CLASP1: variants seen among roughly 807,000 people sequenced by gnomAD.
The protein encoded by CLASP1 is CLIP-associating protein 1.
CLASP1 carries 38 observed loss-of-function variants against 192.3 expected under a neutral mutation model. The observed-to-expected ratio is 0.20, with a 90% confidence interval of 0.15 to 0.26. The LOEUF (loss-of-function observed/expected upper bound fraction) is 0.26, where lower values mean the gene tolerates loss of function less well. Ranked by LOEUF, CLASP1 falls within the 10% of genes least tolerant of loss-of-function variation. The pLI, the probability that CLASP1 is intolerant of heterozygous loss-of-function variation, is 1.00. For synonymous variants in CLASP1, 691 were observed against 712.8 expected (o/e 0.97, Z 0.49); for missense variants, 1,433 against 1,932.5 (o/e 0.74, Z 4.85).
chr2:121,451,911 A>G, intron 14 of CLASP1, 62 bp from the exon 15 acceptor site: 1 of 1,198,568 alleles, frequency 8.3e-7, no homozygotes, highest in Non-Finnish European at 1.2e-6. Context: ...TGAAAACGGC[A>G]TTTTTCTTAA....
intron 2 of CLASP1, among the ~76,000 whole-genome samples, chr2:121,593,238 C>T (rs1166036975): frequency 1.3e-5 from 2 of 151,790 alleles, no homozygotes; most frequent in African/African-American, 2.4e-5. Context: ...GTCAAATTGA[C>T]GAACTACACA....
At chr2:121,459,937 G>A (rs1206400227) in intron 12 of CLASP1, 43 bp downstream of exon 12, 1 of 1,548,970 alleles carries the variant, frequency 6.5e-7, no homozygotes, top group Non-Finnish European at 8.7e-7. Context: ...GCTCTGTGGT[G>A]ACACTATTTT....
At chr2:121,469,116 A>G (rs2090197982) in intron 9 of CLASP1, among the ~76,000 whole-genome samples, 1 of 152,018 alleles carries the variant, frequency 6.6e-6, no homozygotes, top group South Asian at 2.1e-4. Context: ...CTTTCTACAG[A>G]TTGTCTTTGA....
chr2:121,342,924 A>T (rs897514075), intron 39 of CLASP1, among the ~76,000 whole-genome samples: 2 of 152,062 alleles, frequency 1.3e-5, no homozygotes, highest in East Asian at 1.9e-4. Context: ...GTGACCAAAA[A>T]TTAATTAATT....
exon 40 of CLASP1, chr2:121,339,098 A>G (rs1338649437): frequency 6.6e-6 from 1 of 152,000 alleles, no homozygotes; most frequent in East Asian, 1.9e-4. Flanking sequence ...GGTACCACAC[A>G]TGTGTAGGGT....
intron 35 of CLASP1, 25 bp downstream of exon 36, chr2:121,367,563 G>A: frequency 6.2e-7 from 1 of 1,613,636 alleles, no homozygotes; most frequent in Non-Finnish European, 8.5e-7. Context: ...TCTGGGTGGG[G>A]ACAGTTAAGA....
intron 30 of CLASP1, among the ~76,000 whole-genome samples, chr2:121,388,479 A>G (rs1479824190): frequency 1.3e-5 from 2 of 152,228 alleles, no homozygotes; most frequent in African/African-American, 4.8e-5. Flanking sequence ...CGTTAAAAAC[A>G]TGCTCTTCTG....
chr2:121,593,162 T>C (rs1252141089), intron 2 of CLASP1, among the ~76,000 whole-genome samples: 1 of 152,224 alleles, frequency 6.6e-6, no homozygotes, highest in African/African-American at 2.4e-5. Flanking sequence ...TGTGAGGCAC[T>C]GAGAAGGATA....
chr2:121,573,435 A>G (rs1018069706), intron 2 of CLASP1, among the ~76,000 whole-genome samples: 1 of 152,246 alleles, frequency 6.6e-6, no homozygotes, highest in African/African-American at 2.4e-5. Context: ...CAACTGTTAA[A>G]TAACAATATT....
intron 2 of CLASP1, among the ~76,000 whole-genome samples, chr2:121,598,846 A>G (rs546826041): frequency 1.3e-5 from 2 of 152,234 alleles, no homozygotes; most frequent in South Asian, 4.1e-4. Context: ...AGCTCCAGCC[A>G]ACGTTTTTAT....
chr2:121,578,095 G>C (rs955818995), intron 2 of CLASP1, among the ~76,000 whole-genome samples: 20 of 151,926 alleles, frequency 1.3e-4, no homozygotes, highest in Non-Finnish European at 2.5e-4. Flanking sequence ...ACCACGTCCG[G>C]CTAATTTTTA....
chr2:121,523,314 T>G (rs1210064173), intron 6 of CLASP1, among the ~76,000 whole-genome samples: 1 of 152,254 alleles, frequency 6.6e-6, no homozygotes, highest in African/African-American at 2.4e-5. Context: ...GTGCTGATCA[T>G]TTGAAATTTA....
At chr2:121,456,719 C>T (rs909941494) in intron 14 of CLASP1, among the ~76,000 whole-genome samples, 17 of 152,018 alleles carry the variant, frequency 1.1e-4, no homozygotes, top group African/African-American at 4.1e-4. Context: ...CCCATAGAAA[C>T]CCAGCAGGAT....
intron 26 of CLASP1, 169 bp downstream of exon 27, chr2:121,404,201 CA>C: frequency 1.2e-6 from 1 of 865,438 alleles, no homozygotes; most frequent in Non-Finnish European, 1.4e-6. Context: ...TTTAAGTTTC[CA>C]AGAATTCTGT....
Position 121,469,975 on chromosome 2 carries a change from C to A in CLASP1, c.713-15G>T, listed in dbSNP as rs752358138. 1.3e-6 allele frequency: 2 copies of A among 1,591,676 alleles called. No individual in the cohort carries two copies. The highest frequency in any genetic ancestry group is 4.5e-5 in the East Asian group (2 of 44,782). On this transcript the variant is annotated splice_polypyrimidine_tract_variant and intron_variant, in intron 8 of 39. Coordinates refer to ENST00000263710, the Ensembl canonical transcript of CLASP1. ...GAAATTTTTATCTGAACAGTAAGCA[C>A]AGAAACCAACGTTTTTTTAAAAACA...
chr2:121,588,098 C>T (rs920829509), intron 2 of CLASP1, among the ~76,000 whole-genome samples: 1 of 144,310 alleles, frequency 6.9e-6, no homozygotes, highest in Non-Finnish European at 1.5e-5. Context: ...CACTTGAACC[C>T]GGGAGATGGA....
intron 2 of CLASP1, among the ~76,000 whole-genome samples, chr2:121,554,629 T>G (rs1472022233): frequency 6.6e-6 from 1 of 151,552 alleles, no homozygotes; most frequent in Non-Finnish European, 1.5e-5. Context: ...AAAAAAGGAA[T>G]TGGATTAAAA....
At chr2:121,563,955 C>T (rs924301657) in intron 2 of CLASP1, among the ~76,000 whole-genome samples, 5 of 152,156 alleles carry the variant, frequency 3.3e-5, no homozygotes, top group Admixed American at 6.5e-5. Flanking sequence ...TCATGTCTTA[C>T]GTGGATGGCA....
At chr2:121,535,180 A>G (rs1411850097) in intron 2 of CLASP1, among the ~76,000 whole-genome samples, 1 of 152,170 alleles carries the variant, frequency 6.6e-6, no homozygotes, top group African/African-American at 2.4e-5. Flanking sequence ...TCTGCTCGGG[A>G]GGCTGAGGTG....
Sources: allele counts gnomAD v4.1 joint callset (sites outside exome capture counted in the v4.1 genomes callset), GRCh38; gene constraint gnomAD v4.1.1; transcripts MANE v1.5; gene names NCBI Gene and HGNC (gene_info 2026-07-23, HGNC 2026-07-21).